EML5: variants seen among roughly 807,000 people sequenced by gnomAD.
The protein encoded by EML5 is echinoderm microtubule-associated protein-like 5.
A neutral mutation model predicts 250.0 loss-of-function variants in EML5; 120 were observed. The observed-to-expected ratio is 0.48, with a 90% CI of 0.41 to 0.56. EML5 has a LOEUF of 0.56. Ranked by LOEUF, EML5 falls within the 20% of genes least tolerant of loss-of-function variation. The probability of loss-of-function intolerance (pLI) is 0.00; values close to 1 mark genes in which losing one functional copy is unlikely to be tolerated. For synonymous variants in EML5, 771 were observed against 806.5 expected (o/e 0.96, Z 0.75); for missense variants, 2,006 against 2,437.6 (o/e 0.82, Z 3.73).
intron 39 of EML5, chr14:88,619,292 G>A (rs1389832344): frequency 1.3e-5 from 2 of 152,706 alleles, no homozygotes; most frequent in East Asian, 3.9e-4. Flanking sequence ...TTGAACCCAG[G>A]AGGCACAGGT....
chr14:88,786,832 A>G (rs2094556047), intron 1 of EML5, among the ~76,000 whole-genome samples: 1 of 152,220 alleles, frequency 6.6e-6, no homozygotes, highest in Non-Finnish European at 1.5e-5. Context: ...CAATCCAATT[A>G]AACCTCTTTT....
chr14:88,682,386 A>G (rs912203063), intron 20 of EML5, among the ~76,000 whole-genome samples: 1 of 151,068 alleles, frequency 6.6e-6, no homozygotes, highest in African/African-American at 2.5e-5. Context: ...CCTGCTCACC[A>G]GTGAAACTAG....
At chr14:88,649,831 A>G (rs2091535732) in intron 28 of EML5, 81 bp downstream of exon 28, 1 of 1,179,168 alleles carries the variant, frequency 8.5e-7, no homozygotes, top group Non-Finnish European at 1.2e-6. Context: ...TTTTATAGGG[A>G]AAAAATACCT....
intron 14 of EML5, among the ~76,000 whole-genome samples, chr14:88,701,137 T>G (rs1000275471): frequency 6.6e-6 from 1 of 152,164 alleles, no homozygotes; most frequent in Admixed American, 6.5e-5. Context: ...TTTGTACATA[T>G]TTCTACATTT....
chr14:88,640,084 C>T (rs904828282), intron 31 of EML5, among the ~76,000 whole-genome samples: 5 of 152,012 alleles, frequency 3.3e-5, no homozygotes, highest in African/African-American at 1.2e-4. Flanking sequence ...CTACTAGGCC[C>T]CCCAAAAAGC....
intron 32 of EML5, among the ~76,000 whole-genome samples, chr14:88,635,563 A>T (rs555213644): frequency 6.6e-6 from 1 of 152,350 alleles, no homozygotes; most frequent in African/African-American, 2.4e-5. Flanking sequence ...AAACTTATCA[A>T]ATAAAATATA....
rs189182097 is a variant in EML5, at chr14:88,689,138, T to A, written c.2540-665A>T. Among the ~76,000 whole-genome samples the A allele has an allele frequency of 6.0e-4, 92 of 152,352 alleles. 1 individual carries two copies. In the East Asian group the frequency reaches 0.016, roughly 26 times the overall value. ...ATCCATTTTCCTATTAATGGAGATT[T>A]AAGTTACTTCCAAGTTTTTGCTATT... On this transcript the variant is annotated intron_variant, in intron 17 of 43. Transcript: ENST00000554922.
chr14:88,719,995 G>A (rs1196349332), intron 8 of EML5, among the ~76,000 whole-genome samples: 1 of 152,014 alleles, frequency 6.6e-6, no homozygotes, highest in Non-Finnish European at 1.5e-5. Context: ...AACCATCAGA[G>A]AATACCATAA....
At position 88,694,368 on chromosome 14, in the gene EML5, G is replaced by A. The variant is rs780916023; in HGVS notation, c.2478C>T (p.Pro826=). ...KDKIFVVKMN[P]YVPDKLITAG... Reference sequence around the variant, plus strand: ...CTGTAATTAGTTTATCAGGCACATAGGGGTTCATCTTTACAACAAAAATCT... The same window carrying A: ...CTGTAATTAGTTTATCAGGCACATAAGGGTTCATCTTTACAACAAAAATCT... Residue 826 remains proline (P), a synonymous_variant, in exon 17 of 44, where the codon CCC becomes CCT. Transcript: ENST00000554922. 6.3e-7 allele frequency: 1 copy of A among 1,594,194 alleles called. No individual in the cohort carries two copies. The highest frequency in any genetic ancestry group is 8.5e-7 in the Non-Finnish European group (1 of 1,169,804).
At chr14:88,617,514 A>G (rs1332782779) in intron 41 of EML5, 1 of 152,316 alleles carries the variant, frequency 6.6e-6, no homozygotes, top group Non-Finnish European at 1.5e-5. Flanking sequence ...CATACCAGTA[A>G]TCCCAACATT....
At chr14:88,791,428 A>G (rs2094607227) in intron 1 of EML5, among the ~76,000 whole-genome samples, 1 of 152,202 alleles carries the variant, frequency 6.6e-6, no homozygotes, top group South Asian at 2.1e-4. Flanking sequence ...TGAGGCAATA[A>G]TCAGTGGCCT....
chr14:88,628,742 A>G (rs1237306328), intron 33 of EML5, among the ~76,000 whole-genome samples: 1 of 152,094 alleles, frequency 6.6e-6, no homozygotes, highest in East Asian at 1.9e-4. Flanking sequence ...AAATATTCTG[A>G]TAAGTTTAGA....
At chr14:88,658,485 T>A in intron 25 of EML5, 97 bp from the exon 26 acceptor site, 2 of 958,830 alleles carry the variant, frequency 2.1e-6, no homozygotes, top group Non-Finnish European at 3.0e-6. Context: ...TAAAAATTAA[T>A]CATTTCAAGT....
At chr14:88,788,304 T>C (rs891898848) in intron 1 of EML5, among the ~76,000 whole-genome samples, 8 of 152,294 alleles carry the variant, frequency 5.3e-5, no homozygotes, top group South Asian at 4.1e-4. Flanking sequence ...AAACCACTTT[T>C]ACTAAACTAC....
chr14:88,744,879 A>G (rs1343722165), intron 3 of EML5, among the ~76,000 whole-genome samples: 1 of 152,128 alleles, frequency 6.6e-6, no homozygotes, highest in Non-Finnish European at 1.5e-5. Flanking sequence ...CCAAAAATTT[A>G]CAAAGTGATG....
chr14:88,661,885 C>A, intron 24 of EML5, 55 bp from the exon 25 acceptor site: 2 of 1,467,028 alleles, frequency 1.4e-6, no homozygotes, highest in East Asian at 2.3e-5. Context: ...AAAGTATTAA[C>A]AACCAAAATG....
intron 38 of EML5, 91 bp from the exon 39 acceptor site, chr14:88,621,017 A>G: frequency 6.8e-7 from 1 of 1,481,160 alleles, no homozygotes; most frequent in African/African-American, 1.4e-5. Context: ...AATGCTCAAC[A>G]GAATTCTGGC....
At chr14:88,738,465 A>G (rs2093879170) in intron 6 of EML5, among the ~76,000 whole-genome samples, 1 of 151,950 alleles carries the variant, frequency 6.6e-6, no homozygotes, top group African/African-American at 2.4e-5. Flanking sequence ...TGAAGGAAAA[A>G]TACACCTATC....
intron 27 of EML5, among the ~76,000 whole-genome samples, chr14:88,656,508 C>A (rs1330807658): frequency 6.6e-6 from 1 of 152,028 alleles, no homozygotes; most frequent in Non-Finnish European, 1.5e-5. Flanking sequence ...AGAAGAAATA[C>A]CTAATGTAGA....
Sources: allele counts gnomAD v4.1 joint callset (sites outside exome capture counted in the v4.1 genomes callset), GRCh38; gene constraint gnomAD v4.1.1; transcripts MANE v1.5; gene names NCBI Gene and HGNC (gene_info 2026-07-23, HGNC 2026-07-21).